CMTM4: variants seen among roughly 807,000 people sequenced by gnomAD.
The protein encoded by CMTM4 is CKLF-like MARVEL transmembrane domain-containing protein 4.
CMTM4 carries 8 observed loss-of-function variants against 19.0 expected under a neutral mutation model. The observed-to-expected ratio is 0.42, with a 90% CI of 0.25 to 0.76. The LOEUF (loss-of-function observed/expected upper bound fraction) is 0.76. Among genes scored for constraint, CMTM4 ranks in the 30% least tolerant of loss-of-function variants. CMTM4 has a pLI of 0.27. For synonymous variants in CMTM4, 106 were observed against 121.1 expected, an observed-to-expected ratio of 0.88 and a Z score of 0.82; for missense variants, 228 against 290.2, an observed-to-expected ratio of 0.79 and a Z score of 1.56.
At chr16:66,647,820 G>A (rs2016234101) in intron 1 of CMTM4, among the ~76,000 whole-genome samples, 1 of 152,024 alleles carries the variant, frequency 6.6e-6, no homozygotes, top group South Asian at 2.1e-4. Context: ...ACAGGTGCAC[G>A]CCACCACACC....
chr16:66,599,104 AC>A, the CMTM4 span, among the ~76,000 whole-genome samples: 1 of 151,642 alleles, frequency 6.6e-6, no homozygotes, highest in Non-Finnish European at 1.5e-5. Context: ...ACATGATGAA[AC>A]CCTGCCTCTA....
At chr16:66,693,354 C>A (rs1237631280) in intron 1 of CMTM4, among the ~76,000 whole-genome samples, 1 of 152,200 alleles carries the variant, frequency 6.6e-6, no homozygotes, top group Admixed American at 6.5e-5. Context: ...AACTCCTAGG[C>A]TCAAGCAGTC....
chr16:66,680,663 G>C (rs2016895817), intron 1 of CMTM4, among the ~76,000 whole-genome samples: 1 of 149,024 alleles, frequency 6.7e-6, no homozygotes, highest in Non-Finnish European at 1.5e-5. Context: ...AGTCCCAGCT[G>C]CTCGGAAGGC....
intron 1 of CMTM4, among the ~76,000 whole-genome samples, chr16:66,666,224 A>C (rs1010747074): frequency 2.6e-5 from 4 of 152,248 alleles, no homozygotes; most frequent in Non-Finnish European, 2.9e-5. Context: ...AGGCCGAGGC[A>C]GGCGGATCAC....
At chr16:66,666,354 G>C (rs1484599005) in intron 1 of CMTM4, among the ~76,000 whole-genome samples, 1 of 151,210 alleles carries the variant, frequency 6.6e-6, no homozygotes, top group East Asian at 2.0e-4. Flanking sequence ...TCAGGAGGCT[G>C]AGGCAGGAGA....
At chr16:66,641,977 TAC>T (rs2016104503) in intron 1 of CMTM4, among the ~76,000 whole-genome samples, 1 of 152,210 alleles carries the variant, frequency 6.6e-6, no homozygotes, top group African/African-American at 2.4e-5. Context: ...GATACATAAA[TAC>T]ACACATATAC....
Position 66,617,376 on chromosome 16 carries a change from AT to A in CMTM4, c.*4681del. The A allele has an allele frequency of 6.2e-7, 1 of 1,611,016 alleles. No homozygotes were observed. The highest frequency in any genetic ancestry group is 8.5e-7 in the Non-Finnish European group (1 of 1,178,724). The stretch of plus-strand genomic sequence containing the variant: ...AGGAAAAACTAGAAAGGAAAAAAAA[AT>A]CCCAAAGGTTGAAAAACTGTATCCA... On this transcript the variant is annotated 3_prime_UTR_variant, in exon 4 of 4. Transcript: ENST00000394106.
Position 66,622,367 on chromosome 16 carries a change from CCT to C in CMTM4, c.463-147_463-146del. On this transcript the variant is annotated intron_variant, in intron 3 of 3. Coordinates refer to ENST00000394106, the MANE Select transcript of CMTM4 (RefSeq NM_181521.3). The surrounding 1 kb of genome is among the most constrained non-coding windows in gnomAD (Gnocchi z 4.0). ...TGCCTTCATTCCTTGATCTCTTCCCCCTCTCAGCAGCCCCATTTGATCTAAAG... is the reference window on the plus strand; with the variant it reads ...TGCCTTCATTCCTTGATCTCTTCCCCCTCAGCAGCCCCATTTGATCTAAAG... 1.1e-6 allele frequency: 1 copy of C among 889,946 alleles called. No individual in the cohort carries two copies. Among genetic ancestry groups the C allele is most frequent in the South Asian group, 1.7e-5 (1 of 59,406 alleles). 55.1% of individuals were successfully genotyped at this position (889,946 alleles called of 1,614,324 possible).
rs1233993601 is a variant in CMTM4, at chr16:66,616,402, G to A, written c.*5656C>T. 6.6e-6 allele frequency: 1 copy of A among 152,080 alleles called. No homozygotes were observed. Among genetic ancestry groups the A allele is most frequent in the African/African-American group, 2.4e-5 (1 of 41,398 alleles). The allele number at this position is 152,080 out of a possible 1,614,324, so 9.4% of individuals were successfully genotyped here. ...TTCAATTCCTACCATTCTCTTAGAG[G>A]GAACCACGTCAAACAAAATCAAGTT... On this transcript the variant is annotated 3_prime_UTR_variant, in exon 4 of 4. Transcript: ENST00000394106.
chr16:66,656,427 G>A (rs559800519), intron 1 of CMTM4, among the ~76,000 whole-genome samples: 1 of 152,160 alleles, frequency 6.6e-6, no homozygotes, highest in South Asian at 2.1e-4. Context: ...ACAGCGGCGT[G>A]ATCTTGGCTC....
chr16:66,675,455 A>AT (rs1036154770), intron 1 of CMTM4, among the ~76,000 whole-genome samples: 9 of 137,882 alleles, frequency 6.5e-5, no homozygotes, highest in East Asian at 6.4e-4. Context: ...TTTATTATTC[A>AT]TTAAAAAAAA....
chr16:66,673,693 T>A (rs2016754191), intron 1 of CMTM4, among the ~76,000 whole-genome samples: 1 of 152,222 alleles, frequency 6.6e-6, no homozygotes, highest in Admixed American at 6.5e-5. Flanking sequence ...CAATGTTTTT[T>A]ACATACTCCT....
the CMTM4 span, among the ~76,000 whole-genome samples, chr16:66,602,952 T>C: frequency 6.6e-6 from 1 of 152,210 alleles, no homozygotes. Flanking sequence ...TATAATAGTA[T>C]ACTTAATCCA....
downstream of CMTM4, chr16:66,609,955 C>T (rs747166668): frequency 6.2e-7 from 1 of 1,614,200 alleles, no homozygotes; most frequent in Non-Finnish European, 8.5e-7. This position sits in a 1 kb window ranked among gnomAD's most constrained non-coding sequence, Gnocchi z 4.4. Context: ...GGCCAAATTC[C>T]TCAAACAAGG....
chr16:66,630,895 C>A (rs1433630594), intron 2 of CMTM4, among the ~76,000 whole-genome samples: 1 of 149,090 alleles, frequency 6.7e-6, no homozygotes, highest in Non-Finnish European at 1.5e-5. Context: ...ATGTGGGGAG[C>A]GCCTCTGCCC....
At chr16:66,663,886 CT>C (rs2016545442) in intron 1 of CMTM4, among the ~76,000 whole-genome samples, 1 of 152,088 alleles carries the variant, frequency 6.6e-6, no homozygotes, top group South Asian at 2.1e-4. Context: ...GACTTTCTGT[CT>C]TTCTATTTGT....
chr16:66,661,702 G>A (rs576323042), intron 1 of CMTM4, among the ~76,000 whole-genome samples: 2 of 152,194 alleles, frequency 1.3e-5, no homozygotes. Flanking sequence ...GGCCAAGGTG[G>A]GTGGATCACC....
chr16:66,695,033 G>C (rs537324506), intron 1 of CMTM4, among the ~76,000 whole-genome samples: 1 of 152,218 alleles, frequency 6.6e-6, no homozygotes, highest in African/African-American at 2.4e-5. Context: ...CCCAAGGAAT[G>C]CTTATGCACT....
intron 1 of CMTM4, among the ~76,000 whole-genome samples, chr16:66,641,933 TA>T (rs1339134624): frequency 1.3e-5 from 2 of 152,348 alleles, no homozygotes; most frequent in Admixed American, 1.3e-4. Context: ...TTACTTTTAA[TA>T]ATTACATGTA....
Sources: allele counts gnomAD v4.1 joint callset (sites outside exome capture counted in the v4.1 genomes callset), GRCh38; gene constraint gnomAD v4.1.1; non-coding constraint Gnocchi (gnomAD v3.1); transcripts MANE v1.5; gene names NCBI Gene and HGNC (gene_info 2026-07-23, HGNC 2026-07-21).